The following MYO18A variants were observed in gnomAD, a reference collection of about 807,000 sequenced individuals.
The protein encoded by MYO18A is unconventional myosin-XVIIIa.
In MYO18A, 78 loss-of-function variants were observed where a neutral mutation model predicts 235.8. The ratio of observed to expected loss-of-function variants is 0.33; its 90% CI spans 0.28 to 0.40. The LOEUF (loss-of-function observed/expected upper bound fraction) is 0.40. Among genes scored for constraint, MYO18A ranks in the 10% least tolerant of loss-of-function variants. The pLI is 1.00. For synonymous variants in MYO18A, 977 were observed against 1,077.8 expected, an observed-to-expected ratio of 0.91 and a Z score of 1.83; for missense variants, 2,215 against 2,699.3, an observed-to-expected ratio of 0.82 and a Z score of 3.98.
Position 29,109,700 on chromosome 17 carries a change from G to A in MYO18A, c.3331+158C>T, listed in dbSNP as rs1275246682. Among the ~76,000 whole-genome samples the A allele has an allele frequency of 1.3e-5, 2 of 152,210 alleles. No individual in the cohort carries two copies. Among genetic ancestry groups the A allele is most frequent in the African/African-American group, 4.8e-5 (2 of 41,450 alleles). On this transcript the variant is annotated intron_variant, in intron 19 of 41. Coordinates refer to ENST00000527372, the MANE Select transcript of MYO18A (RefSeq NM_078471.4). This position sits in a 1 kb window ranked among gnomAD's most constrained non-coding sequence, Gnocchi z 4.1. ...ATGGAAGGAAATGGACAAAGGGGCTGTGGGCTGGGAGAGATGAGGAGAGAC... is the reference window on the plus strand; with the variant it reads ...ATGGAAGGAAATGGACAAAGGGGCTATGGGCTGGGAGAGATGAGGAGAGAC...
At chr17:29,097,005 AC>A in intron 27 of MYO18A, 90 bp from the exon 28 acceptor site, 1 of 1,437,804 alleles carries the variant, frequency 7.0e-7, no homozygotes, top group Non-Finnish European at 9.2e-7. Flanking sequence ...TGAGGGGAAG[AC>A]CCAGGGATGC....
rs776065807 is a variant in MYO18A, at chr17:29,120,608, AC to A, written c.1728+7del. 1 of 1,612,676 alleles carries A rather than the reference AC, an allele frequency of 6.2e-7. No homozygotes were observed. On this transcript the variant is annotated splice_region_variant and intron_variant, in intron 7 of 41. Coordinates refer to ENST00000527372, the MANE Select transcript of MYO18A (RefSeq NM_078471.4). This position sits in a 1 kb window ranked among gnomAD's most constrained non-coding sequence, Gnocchi z 4.2. ...CCTACTACCCCGAGTCCTGGGCAGC[AC>A]TCTCACCTGAATGGAGGCTGAGGCC...
At chr17:29,147,298 C>A (rs2067869208) in intron 2 of MYO18A, among the ~76,000 whole-genome samples, 1 of 152,104 alleles carries the variant, frequency 6.6e-6, no homozygotes. Flanking sequence ...AGGCAGATTG[C>A]TTGAGCTCAG....
rs1388359002 is a variant in MYO18A, at chr17:29,116,701, ATG to A, written c.2039-248_2039-247del. The stretch of plus-strand genomic sequence containing the variant: ...GAGACCCGCAAAGACATTTGTGCAC[ATG>A]TGTGTGTGCGCAAACACACCCTCCC... On this transcript the variant is annotated intron_variant, in intron 10 of 41. Transcript: ENST00000527372. Among the ~76,000 whole-genome samples, 16 of 33,076 alleles carry A rather than the reference ATG, an allele frequency of 4.8e-4. No individual in the cohort carries two copies. In the East Asian group the frequency reaches 0.14, roughly 284 times the overall value. The allele number at this position is 33,076 out of a possible 152,430, so 21.7% of individuals were successfully genotyped here.
Position 29,098,497 on chromosome 17 carries a change from G to A in MYO18A, c.3781-52C>T, listed in dbSNP as rs576888494. 2,183 of 1,599,542 alleles carry A rather than the reference G, an allele frequency of 1.4e-3. 6 individuals are homozygous for A. The highest frequency in any genetic ancestry group is 1.7e-3 in the Non-Finnish European group (1,937 of 1,169,196). ...GAGCCAAAGGCACTGCGAGGGATTG[G>A]GGCCCTGGGTCTGCACCCCTGTAGT... On this transcript the variant is annotated intron_variant, in intron 23 of 41. Coordinates refer to ENST00000527372, the MANE Select transcript of MYO18A (RefSeq NM_078471.4).
In MYO18A at chr17:29,079,597, G is replaced by C. The variant is rs1046376832; in HGVS notation, c.6020+2719C>G. On this transcript the variant is annotated intron_variant, in intron 41 of 41. Transcript: ENST00000527372. ...CCCTGCTCATCAAGGCAGCCAGGAG[G>C]CTCTCCGAGGCCAGGCATGCCCGAG... 8.7e-6 allele frequency: 5 copies of C among 576,956 alleles called. No homozygotes were observed. The East Asian group carries it at 4.3e-4, about 50-fold the overall frequency. The allele number at this position is 576,956 out of a possible 1,614,324, so 35.7% of individuals were successfully genotyped here.
intron 2 of MYO18A, among the ~76,000 whole-genome samples, chr17:29,144,990 C>G (rs1449449700): frequency 1.1e-4 from 16 of 152,292 alleles, no homozygotes; most frequent in Non-Finnish European, 1.6e-4. Flanking sequence ...AGTAAAAACA[C>G]ACAAAATATT....
At chr17:29,172,786 G>A (rs182356951) in intron 1 of MYO18A, among the ~76,000 whole-genome samples, 4 of 152,274 alleles carry the variant, frequency 2.6e-5, no homozygotes, top group Admixed American at 2.6e-4. Flanking sequence ...AACTTGATAA[G>A]CACAAGGCCA....
At chr17:29,142,069 C>T (rs1359294753) in intron 2 of MYO18A, among the ~76,000 whole-genome samples, 12 of 152,180 alleles carry the variant, frequency 7.9e-5, no homozygotes, top group African/African-American at 2.9e-4. Context: ...CTCAGCCTCC[C>T]GAGTAGCTGG....
rs1474310803 is a variant in MYO18A at position 29,166,359 on chromosome 17, A to T, written c.582T>A (p.Pro194=). 1 of 1,613,112 alleles carries T rather than the reference A, an allele frequency of 6.2e-7. No individual in the cohort carries two copies. The highest frequency in any genetic ancestry group is 8.5e-7 in the Non-Finnish European group (1 of 1,179,876). The change falls in exon 2 of 42, where the codon CCT becomes CCA. Residue 194 remains proline, a synonymous_variant. Transcript: ENST00000527372. ...CTGGGAACTTTTTAGTCACTAGCTC[A>T]GGGGCTCGGGATCGGTGCCCTGGTC... ...IPRPGHRSRA[P]ELVTKKFPVD...
At chr17:29,089,935 G>A (rs1168643253) in intron 37 of MYO18A, 26 bp downstream of exon 37, 6 of 1,613,654 alleles carry the variant, frequency 3.7e-6, no homozygotes, top group East Asian at 2.2e-5. Flanking sequence ...CCTGTTTGGT[G>A]TGGCCCGGGA....
At chr17:29,176,489 C>T (rs1275765493) in intron 1 of MYO18A, 1 of 151,856 alleles carries the variant, frequency 6.6e-6, no homozygotes, top group African/African-American at 2.4e-5. Context: ...GTCCTCCCAC[C>T]CCCACCCCCA....
At position 29,115,010 on chromosome 17, in the gene MYO18A, C is replaced by A. The variant is rs774435895; in HGVS notation, c.2408G>T (p.Arg803Leu). Reference sequence around the variant, plus strand: ...GCACAGCTCCTCAAAGGAGGCTCCGCGGGCTGACCCACCCTGCTCAGGGTT... The same window carrying A: ...GCACAGCTCCTCAAAGGAGGCTCCGAGGGCTGACCCACCCTGCTCAGGGTT... ...FQNPEQGGSARGASFEELCHN... is the reference protein window; with the variant it reads ...FQNPEQGGSALGASFEELCHN... The change falls in exon 14 of 42, where the codon CGC (arginine) becomes CTC (leucine). Residue 803 changes from arginine to leucine, a missense_variant. Arg to Leu is a moderately radical substitution (Grantham distance 102). Coordinates refer to ENST00000527372, the MANE Select transcript of MYO18A (RefSeq NM_078471.4). 1 of 1,613,834 alleles carries A rather than the reference C, an allele frequency of 6.2e-7. No individual in the cohort carries two copies. The highest frequency in any genetic ancestry group is 1.3e-5 in the African/African-American group (1 of 74,962).
intron 2 of MYO18A, among the ~76,000 whole-genome samples, chr17:29,159,913 T>C (rs763094074): frequency 6.6e-5 from 10 of 152,050 alleles, no homozygotes; most frequent in Non-Finnish European, 1.2e-4. Context: ...TCTAATAAGC[T>C]AGAAAAGGAT....
chr17:29,117,220 C>T lies in MYO18A; in HGVS notation c.2039-765G>A, dbSNP rs2067094533. On this transcript the variant is annotated intron_variant, in intron 10 of 41. Transcript: ENST00000527372. This position sits in a 1 kb window ranked among gnomAD's most constrained non-coding sequence, Gnocchi z 4.6. Reference sequence around the variant, plus strand: ...CGAATCGCCATCCTCCAACGTAAGTCATCTTGAAGGATGGAGCAGAGCTCC... The same window carrying T: ...CGAATCGCCATCCTCCAACGTAAGTTATCTTGAAGGATGGAGCAGAGCTCC... Among the ~76,000 whole-genome samples, 1 of 152,196 alleles carries T rather than the reference C, an allele frequency of 6.6e-6. No homozygotes were observed. The highest frequency in any genetic ancestry group is 2.4e-5 in the African/African-American group (1 of 41,448).
At chr17:29,136,058 T>A (rs2067589300) in intron 2 of MYO18A, among the ~76,000 whole-genome samples, 1 of 151,766 alleles carries the variant, frequency 6.6e-6, no homozygotes, top group Non-Finnish European at 1.5e-5. Flanking sequence ...TGAATCCTTG[T>A]CTCTACCAAA....
intron 2 of MYO18A, among the ~76,000 whole-genome samples, chr17:29,151,645 CTCAGTGCCTGCACAA>C (rs1183073828): frequency 2.6e-5 from 4 of 152,204 alleles, no homozygotes; most frequent in Non-Finnish European, 2.9e-5. Context: ...GAGAAAGCCC[CTCAGTGCCTGCACAA>C]TCACACAATG....
At chr17:29,086,713 G>A (rs1201957385) in intron 38 of MYO18A, 136 bp from the exon 39 acceptor site, 7 of 1,273,198 alleles carry the variant, frequency 5.5e-6, no homozygotes, top group Non-Finnish European at 6.4e-6. Flanking sequence ...AGCCTTTTCC[G>A]CTCTGTTGCT....
At position 29,115,755 on chromosome 17, in the gene MYO18A, G is replaced by T; in HGVS notation, c.2136C>A (p.Ala712=). The T allele has an allele frequency of 6.3e-7, 1 of 1,599,128 alleles. No individual in the cohort carries two copies. The highest frequency in any genetic ancestry group is 8.5e-7 in the Non-Finnish European group (1 of 1,172,866). ...CACCCTTGTGCTGGTGCTTGAAGAT[G>T]GCTGAGGACAGCTCCTCCAGGCTGC... ...LGCSLEELSS[A]IFKHQHKGGT... The change falls in exon 12 of 42, where the codon GCC becomes GCA. Residue 712 remains alanine, a synonymous_variant. Coordinates refer to ENST00000527372, the MANE Select transcript of MYO18A (RefSeq NM_078471.4).
Sources: gnomAD v4.1 joint callset for allele counts (sites outside exome capture counted in the v4.1 genomes callset) on GRCh38, gnomAD v4.1.1 for gene constraint, Gnocchi (gnomAD v3.1) non-coding constraint, MANE v1.5 for transcripts, NCBI Gene and HGNC (gene_info 2026-07-23, HGNC 2026-07-21) for gene names.